DMXL2: variants seen among roughly 807,000 people sequenced by gnomAD.
DMXL2 encodes dmX-like protein 2.
In DMXL2, 103 loss-of-function variants were observed where a neutral mutation model predicts 331.1. The ratio of observed to expected loss-of-function variants is 0.31; its 90% CI spans 0.27 to 0.37. The LOEUF is 0.37. Among genes scored for constraint, DMXL2 ranks in the 10% least tolerant of loss-of-function variants. The probability of loss-of-function intolerance (pLI) is 1.00; values close to 1 mark genes in which losing one functional copy is unlikely to be tolerated. For synonymous variants in DMXL2, 1,281 were observed against 1,252.1 expected (o/e 1.02, Z -0.49); for missense variants, 3,171 against 3,642.9 (o/e 0.87, Z 3.33).
chr15:51,469,970 T>G (rs1264520729), intron 29 of DMXL2, among the ~76,000 whole-genome samples: 1 of 152,168 alleles, frequency 6.6e-6, no homozygotes, highest in Non-Finnish European at 1.5e-5. Context: ...CAGCACACAT[T>G]AGAACCATCT....
intron 9 of DMXL2, 72 bp from the exon 10 acceptor site, chr15:51,538,524 C>T (rs1390211749): frequency 6.5e-6 from 8 of 1,226,346 alleles, no homozygotes; most frequent in Non-Finnish European, 6.7e-6. Context: ...CTTACAATGA[C>T]TAATCTATAT....
chr15:51,514,060 T>C (rs963389446), intron 15 of DMXL2, among the ~76,000 whole-genome samples: 5 of 152,172 alleles, frequency 3.3e-5, no homozygotes, highest in Non-Finnish European at 7.4e-5. Flanking sequence ...TTATATCTTA[T>C]ATTCATCATT....
In DMXL2 at chr15:51,488,190, A is replaced by C. The variant is rs550344628; in HGVS notation, c.5052-71T>G. ...TGTTCTACAGAATGTATAATAATAT[A>C]AAATAAAAACCTCAAACAGAAATCT... is the stretch of plus-strand genomic sequence containing the variant. On this transcript the variant is annotated intron_variant, in intron 21 of 43. Transcript: ENST00000560891. The C allele has an allele frequency of 3.0e-6, 4 of 1,344,780 alleles. No individual in the cohort carries two copies. In the East Asian group the frequency reaches 7.7e-5, roughly 26 times the overall value. The allele number at this position is 1,344,780 out of a possible 1,614,324, so 83.3% of individuals were successfully genotyped here. A position where few individuals can be genotyped will look rare whatever the true frequency, so the allele number is the denominator to read the frequency against.
At chr15:51,607,129 G>C (rs2053641214) in intron 1 of DMXL2, among the ~76,000 whole-genome samples, 2 of 149,372 alleles carry the variant, frequency 1.3e-5, no homozygotes, top group South Asian at 2.1e-4. Context: ...CTGCACTCCA[G>C]AGCCTGGGTG....
At position 51,613,547 on chromosome 15, in the gene DMXL2, C is replaced by G. The variant is rs550628259; in HGVS notation, c.87+8912G>C. ...AAAATATTTTTTGAATAAAGGATAA[C>G]CAGTAAGTTATACGAATTCTTCTGG... On this transcript the variant is annotated intron_variant, in intron 1 of 43. Coordinates refer to ENST00000560891, the MANE Select transcript of DMXL2 (RefSeq NM_001378457.1). Among the ~76,000 whole-genome samples the G allele has an allele frequency of 2.6e-5, 4 of 152,266 alleles. No individual in the cohort carries two copies. In the South Asian group the frequency reaches 8.3e-4, roughly 32 times the overall value.
chr15:51,564,701 C>G (rs2050164427), intron 4 of DMXL2, among the ~76,000 whole-genome samples: 1 of 152,080 alleles, frequency 6.6e-6, no homozygotes, highest in Admixed American at 6.5e-5. Context: ...CAGCTATTAT[C>G]ATTAGAAATT....
At chr15:51,592,312 T>A (rs1221487322) in intron 1 of DMXL2, among the ~76,000 whole-genome samples, 1 of 152,090 alleles carries the variant, frequency 6.6e-6, no homozygotes, top group Non-Finnish European at 1.5e-5. Context: ...GAAGAAAGGG[T>A]ATCAGTGATG....
chr15:51,545,797 A>C (rs781738182), intron 7 of DMXL2, 31 bp from the exon 8 acceptor site: 6 of 1,575,894 alleles, frequency 3.8e-6, no homozygotes, highest in Admixed American at 3.5e-5. Flanking sequence ...ATAAAGGTTA[A>C]TGTGAATATC....
chr15:51,482,358 G>A (rs2042078078), intron 23 of DMXL2, among the ~76,000 whole-genome samples: 1 of 152,032 alleles, frequency 6.6e-6, no homozygotes, highest in African/African-American at 2.4e-5. Flanking sequence ...CACATAGATA[G>A]CAAATAACTA....
intron 2 of DMXL2, among the ~76,000 whole-genome samples, chr15:51,571,306 A>G (rs1478845203): frequency 3.9e-5 from 6 of 152,182 alleles, no homozygotes; most frequent in Admixed American, 3.9e-4. Context: ...AAGACCTACA[A>G]AGAGACTTAG....
chr15:51,587,943 G>GT (rs1336454090), intron 1 of DMXL2, among the ~76,000 whole-genome samples: 7 of 152,108 alleles, frequency 4.6e-5, no homozygotes, highest in Admixed American at 1.3e-4. Context: ...TTTTTCAGAT[G>GT]TTTTTTGGCT....
intron 15 of DMXL2, 42 bp downstream of exon 15, chr15:51,514,400 T>C: frequency 8.6e-7 from 1 of 1,158,320 alleles, no homozygotes; most frequent in East Asian, 2.5e-5. Flanking sequence ...GATCATTTTT[T>C]AGCATGAAGG....
At chr15:51,505,878 T>G (rs909773330) in intron 16 of DMXL2, among the ~76,000 whole-genome samples, 1 of 152,218 alleles carries the variant, frequency 6.6e-6, no homozygotes, top group African/African-American at 2.4e-5. Flanking sequence ...TAAAGCAGAT[T>G]CAATGTGATA....
At chr15:51,459,441 G>T in intron 34 of DMXL2, 157 bp downstream of exon 34, 1 of 237,294 alleles carries the variant, frequency 4.2e-6, no homozygotes, top group Non-Finnish European at 6.9e-6. Context: ...CAGATACAGT[G>T]AAGCATCTCC....
chr15:51,544,823 C>T lies in DMXL2; in HGVS notation c.930+760G>A, dbSNP rs945393532. On this transcript the variant is annotated intron_variant, in intron 8 of 43. Transcript: ENST00000560891. ...ACTAGAATAGTTGAATTATAAATTCCGTATTTCTTCTCCTTTTCTTAATCC... is the reference window on the plus strand; with the variant it reads ...ACTAGAATAGTTGAATTATAAATTCTGTATTTCTTCTCCTTTTCTTAATCC... Among the ~76,000 whole-genome samples the T allele has an allele frequency of 5.3e-5, 8 of 151,828 alleles. No homozygotes were observed. The East Asian group carries it at 7.7e-4, about 15-fold the overall frequency.
chr15:51,481,701 G>C (rs2042022141), intron 23 of DMXL2, 78 bp from the exon 24 acceptor site: 2 of 1,345,960 alleles, frequency 1.5e-6, no homozygotes, highest in African/African-American at 2.9e-5. Context: ...AAATACGTCA[G>C]CATTTCTTCA....
intron 13 of DMXL2, among the ~76,000 whole-genome samples, chr15:51,535,298 C>T (rs1017051315): frequency 1.4e-4 from 22 of 152,092 alleles, no homozygotes; most frequent in African/African-American, 4.3e-4. Flanking sequence ...TGAAAAAGTT[C>T]CAATTTTCCA....
At chr15:51,490,878 C>T (rs754364797) in intron 20 of DMXL2, among the ~76,000 whole-genome samples, 7 of 152,134 alleles carry the variant, frequency 4.6e-5, no homozygotes, top group East Asian at 3.9e-4. Context: ...GTGCAAAGAA[C>T]GTTTGCTACT....
chr15:51,501,139 C>T (rs1001257594), intron 17 of DMXL2, among the ~76,000 whole-genome samples: 14 of 152,186 alleles, frequency 9.2e-5, no homozygotes, highest in Non-Finnish European at 1.6e-4. Context: ...TGGCCTAGAT[C>T]TGCACCAGCC....
Sources: gnomAD v4.1 joint callset for allele counts (sites outside exome capture counted in the v4.1 genomes callset) on GRCh38, gnomAD v4.1.1 for gene constraint, MANE v1.5 for transcripts, NCBI Gene and HGNC (gene_info 2026-07-23, HGNC 2026-07-21) for gene names.